The following SLC25A12 variants were observed in gnomAD, a reference collection of about 807,000 sequenced individuals.
SLC25A12 encodes the protein solute carrier family 25 member 12.
A neutral mutation model predicts 83.3 loss-of-function variants in SLC25A12; 32 were observed. The observed-to-expected ratio is 0.38, with a 90% CI of 0.29 to 0.52. The LOEUF (loss-of-function observed/expected upper bound fraction) is 0.52, where lower values mean the gene tolerates loss of function less well. SLC25A12 is among the 20% of genes least tolerant of loss of function. The pLI, the probability that SLC25A12 is intolerant of heterozygous loss-of-function variation, is 0.84. For synonymous variants in SLC25A12, 267 were observed against 291.1 expected, an observed-to-expected ratio of 0.92 and a Z score of 0.84; for missense variants, 611 against 835.6, an observed-to-expected ratio of 0.73 and a Z score of 3.31.
intron 3 of SLC25A12, chr2:171,856,649 T>C (rs1046841151): frequency 5.9e-5 from 9 of 152,226 alleles, no homozygotes; most frequent in Admixed American, 4.6e-4. Flanking sequence ...AATTTTATTA[T>C]ATGTGCTGCT....
At chr2:171,885,854 A>G (rs1365937162) in intron 2 of SLC25A12, among the ~76,000 whole-genome samples, 2 of 152,198 alleles carry the variant, frequency 1.3e-5, no homozygotes, top group Non-Finnish European at 2.9e-5. Flanking sequence ...TTGTAGCTTC[A>G]GGCTCTGAAT....
At chr2:171,827,230 T>C (rs1174227196) in intron 8 of SLC25A12, among the ~76,000 whole-genome samples, 2 of 151,990 alleles carry the variant, frequency 1.3e-5, no homozygotes, top group Admixed American at 6.5e-5. Flanking sequence ...GCGCAAAGTA[T>C]CTGGGAAGGA....
At chr2:171,815,976 G>C (rs1454929550) in intron 9 of SLC25A12, among the ~76,000 whole-genome samples, 1 of 149,394 alleles carries the variant, frequency 6.7e-6, no homozygotes, top group Non-Finnish European at 1.5e-5. Context: ...GTATTTTAAA[G>C]TATATACAAA....
At chr2:171,826,648 T>C in intron 9 of SLC25A12, 150 bp downstream of exon 9, 2 of 653,966 alleles carry the variant, frequency 3.1e-6, no homozygotes, top group South Asian at 1.8e-5. Context: ...GGGGTAACAG[T>C]AGTTCTATAA....
chr2:171,810,272 C>T lies in SLC25A12; in HGVS notation c.1176G>A (p.Leu392=), dbSNP rs921421150. 8.1e-6 allele frequency: 13 copies of T among 1,613,142 alleles called. No individual in the cohort carries two copies. The African/African-American group carries it at 1.5e-4, about 18-fold the overall frequency. ...YEGFFGLYRG[L]IPQLIGVAPE... ...GAGCAACCCCTATAAGTTGTGGTAT[C>T]AGACCTAGGTAAAGGGACAGAATCA... is the stretch of plus-strand genomic sequence containing the variant. The change falls in exon 12 of 18, where the codon CTG becomes CTA. Residue 392 remains leucine (L), a synonymous_variant. Transcript: ENST00000422440.
intron 9 of SLC25A12, among the ~76,000 whole-genome samples, chr2:171,823,752 A>G (rs559890298): frequency 6.6e-6 from 1 of 152,128 alleles, no homozygotes; most frequent in Non-Finnish European, 1.5e-5. Context: ...TAAGCTTAGG[A>G]GTTTGAGACC....
intron 2 of SLC25A12, among the ~76,000 whole-genome samples, chr2:171,873,025 T>C (rs1324558341): frequency 2.0e-5 from 3 of 152,148 alleles, no homozygotes; most frequent in Non-Finnish European, 2.9e-5. Context: ...AGCTGTGGGA[T>C]ACTACTAAAA....
chr2:171,825,978 C>T (rs908471207), intron 9 of SLC25A12, among the ~76,000 whole-genome samples: 1 of 152,144 alleles, frequency 6.6e-6, no homozygotes, highest in East Asian at 1.9e-4. Context: ...TTTATAAAAA[C>T]CAAAAGTAAT....
chr2:171,831,770 G>A (rs562375962), intron 8 of SLC25A12, among the ~76,000 whole-genome samples: 9 of 152,112 alleles, frequency 5.9e-5, no homozygotes, highest in East Asian at 3.9e-4. Context: ...ATAGTGGTAC[G>A]CACCTGTAGT....
intron 4 of SLC25A12, among the ~76,000 whole-genome samples, chr2:171,853,024 A>G (rs1371571587): frequency 6.6e-6 from 1 of 152,176 alleles, no homozygotes; most frequent in Non-Finnish European, 1.5e-5. Flanking sequence ...CTTTTAAAAA[A>G]TGTTTTAAAT....
Position 171,848,928 on chromosome 2 carries a change from G to A in SLC25A12, c.326-4420C>T, listed in dbSNP as rs1165914879. ...CTATCGGTTGGGCGTGGTGGCTCAC[G>A]CCTATAATCCCAGCACTTTGGGAGG... On this transcript the variant is annotated intron_variant, in intron 4 of 17. Coordinates refer to ENST00000422440, the MANE Select transcript of SLC25A12 (RefSeq NM_003705.5). Among the ~76,000 whole-genome samples the A allele has an allele frequency of 3.3e-5, 5 of 152,224 alleles. No homozygotes were observed. The South Asian group carries it at 1.0e-3, about 32-fold the overall frequency.
chr2:171,883,897 A>G (rs548640383), intron 2 of SLC25A12, among the ~76,000 whole-genome samples: 7 of 152,002 alleles, frequency 4.6e-5, no homozygotes, highest in Admixed American at 3.3e-4. Flanking sequence ...GTCTTACTCT[A>G]TCACCCAGGC....
intron 1 of SLC25A12, among the ~76,000 whole-genome samples, chr2:171,893,677 G>A (rs1252509564): frequency 6.6e-6 from 1 of 152,128 alleles, no homozygotes; most frequent in Non-Finnish European, 1.5e-5. Context: ...AACCCAACAT[G>A]TAATTATCTC....
At chr2:171,859,172 G>A (rs1685099860) in intron 3 of SLC25A12, among the ~76,000 whole-genome samples, 1 of 152,076 alleles carries the variant, frequency 6.6e-6, no homozygotes, top group South Asian at 2.1e-4. Context: ...TTAGTAAGTA[G>A]ACCACTATTA....
chr2:171,864,947 AC>A (rs141540685), intron 3 of SLC25A12, among the ~76,000 whole-genome samples: 3,285 of 152,350 alleles, frequency 0.022, 55 homozygotes, highest in Middle Eastern at 0.037. Flanking sequence ...ACAGTGCCTG[AC>A]AAACAATGGC....
At chr2:171,867,319 C>G (rs918884623) in intron 3 of SLC25A12, among the ~76,000 whole-genome samples, 1 of 151,500 alleles carries the variant, frequency 6.6e-6, no homozygotes, top group Non-Finnish European at 1.5e-5. Context: ...CGAGATCACA[C>G]CACTGCACTC....
chr2:171,788,380 T>C, intron 15 of SLC25A12: 1 of 204,672 alleles, frequency 4.9e-6, no homozygotes, highest in South Asian at 7.7e-5. Flanking sequence ...CTACTGTTTT[T>C]GCTGATTCTT....
At chr2:171,828,006 C>A (rs924935764) in intron 8 of SLC25A12, among the ~76,000 whole-genome samples, 3 of 152,170 alleles carry the variant, frequency 2.0e-5, no homozygotes, top group African/African-American at 7.2e-5. Context: ...AGCATCTAAG[C>A]ATGAAGGCAA....
chr2:171,837,365 T>A (rs1387958428), intron 5 of SLC25A12, 98 bp from the exon 6 acceptor site: 4 of 1,269,260 alleles, frequency 3.2e-6, no homozygotes, highest in Non-Finnish European at 3.4e-6. Context: ...CCCACACATG[T>A]ACTTACTACA....
Sources: allele counts gnomAD v4.1 joint callset (sites outside exome capture counted in the v4.1 genomes callset), GRCh38; gene constraint gnomAD v4.1.1; transcripts MANE v1.5; gene names NCBI Gene and HGNC (gene_info 2026-07-23, HGNC 2026-07-21).